MYRIP: variants seen among roughly 807,000 people sequenced by gnomAD.
MYRIP encodes the protein rab effector MyRIP.
Under a neutral mutation model 98.0 loss-of-function variants are expected in MYRIP, and 49 were observed. The ratio of observed to expected loss-of-function variants is 0.50; its 90% CI spans 0.40 to 0.63. MYRIP has a LOEUF of 0.63. MYRIP is among the 30% of genes least tolerant of loss of function. The probability of loss-of-function intolerance (pLI) is 0.00; values close to 1 mark genes in which losing one functional copy is unlikely to be tolerated. For synonymous variants in MYRIP, 404 were observed against 409.5 expected (o/e 0.99, Z 0.16); for missense variants, 1,004 against 1,058.2 (o/e 0.95, Z 0.71).
intron 3 of MYRIP, among the ~76,000 whole-genome samples, chr3:40,111,645 C>T (rs1949159467): frequency 6.6e-6 from 1 of 152,022 alleles, no homozygotes; most frequent in Non-Finnish European, 1.5e-5. Context: ...GTAGGGTCTT[C>T]CCAGGCCTGG....
chr3:40,049,722 G>T (rs1399434620), intron 3 of MYRIP, among the ~76,000 whole-genome samples: 1 of 152,058 alleles, frequency 6.6e-6, no homozygotes, highest in Non-Finnish European at 1.5e-5. Flanking sequence ...ACCAAGATAG[G>T]CCAAAAGCTA....
intron 1 of MYRIP, among the ~76,000 whole-genome samples, chr3:39,857,009 C>G (rs1443731431): frequency 1.3e-5 from 2 of 152,034 alleles, no homozygotes; most frequent in Admixed American, 1.3e-4. Flanking sequence ...TCTTTGAGCC[C>G]AGGAGTTTGA....
intron 11 of MYRIP, among the ~76,000 whole-genome samples, chr3:40,213,694 C>T (rs926565852): frequency 5.9e-5 from 9 of 151,920 alleles, no homozygotes; most frequent in South Asian, 2.1e-4. Context: ...AGCGCCACTG[C>T]GCCACCCTTG....
intron 3 of MYRIP, among the ~76,000 whole-genome samples, chr3:40,088,345 A>G (rs1392713518): frequency 6.6e-6 from 1 of 152,218 alleles, no homozygotes; most frequent in African/African-American, 2.4e-5. Flanking sequence ...ACTGGAGCTA[A>G]GAACATAAGC....
At chr3:40,198,965 C>CCAGAGT (rs1951477215) in intron 10 of MYRIP, among the ~76,000 whole-genome samples, 2 of 151,794 alleles carry the variant, frequency 1.3e-5, no homozygotes, top group Admixed American at 1.3e-4. Flanking sequence ...AAAGGGAAAA[C>CCAGAGT]CAGAGTAGGA....
intron 9 of MYRIP, among the ~76,000 whole-genome samples, chr3:40,187,656 T>C (rs1951074653): frequency 6.6e-6 from 1 of 152,176 alleles, no homozygotes; most frequent in South Asian, 2.1e-4. Flanking sequence ...ACAAACTGGC[T>C]CTGGGACACA....
chr3:39,996,243 G>A (rs1946350725), intron 2 of MYRIP, among the ~76,000 whole-genome samples: 1 of 152,116 alleles, frequency 6.6e-6, no homozygotes, highest in African/African-American at 2.4e-5. Flanking sequence ...CTGGCAAATT[G>A]GATAAAGAGT....
At chr3:40,204,525 C>A (rs1053864258) in intron 10 of MYRIP, among the ~76,000 whole-genome samples, 1 of 151,838 alleles carries the variant, frequency 6.6e-6, no homozygotes, top group South Asian at 2.1e-4. Context: ...ACGTTTTGTT[C>A]CTTAGTAACT....
intron 5 of MYRIP, among the ~76,000 whole-genome samples, chr3:40,164,473 G>A (rs1021807612): frequency 6.6e-6 from 1 of 152,182 alleles, no homozygotes; most frequent in African/African-American, 2.4e-5. Flanking sequence ...TTGCTCTTAA[G>A]GCCTTTCAGT....
At chr3:39,966,861 G>A (rs983691885) in intron 2 of MYRIP, among the ~76,000 whole-genome samples, 2 of 152,284 alleles carry the variant, frequency 1.3e-5, no homozygotes, top group Non-Finnish European at 2.9e-5. Context: ...ACATATCAGA[G>A]GGCCAAGGGC....
At chr3:39,872,335 T>TTTA (rs143805990) in intron 1 of MYRIP, among the ~76,000 whole-genome samples, 24 of 151,390 alleles carry the variant, frequency 1.6e-4, no homozygotes, top group East Asian at 5.8e-4. Context: ...TAAATATTTC[T>TTTA]TTATTATTAT....
intron 11 of MYRIP, among the ~76,000 whole-genome samples, chr3:40,213,613 C>CACACACAG (rs1240776071): frequency 2.1e-4 from 10 of 48,078 alleles, no homozygotes; most frequent in Admixed American, 1.2e-3. Flanking sequence ...CTGAGCAACA[C>CACACACAG]ACACACACAC....
At chr3:40,064,368 AC>A (rs1487856666) in intron 3 of MYRIP, among the ~76,000 whole-genome samples, 1 of 152,084 alleles carries the variant, frequency 6.6e-6, no homozygotes, top group Non-Finnish European at 1.5e-5. Flanking sequence ...AGAAAAAAAA[AC>A]CTTGCTCTCT....
chr3:39,923,581 G>T (rs1944351347), intron 2 of MYRIP, among the ~76,000 whole-genome samples: 1 of 152,106 alleles, frequency 6.6e-6, no homozygotes. Flanking sequence ...CTTTAGGAAT[G>T]AAGGAGAAAT....
intron 3 of MYRIP, among the ~76,000 whole-genome samples, chr3:40,050,046 A>G (rs537760983): frequency 6.6e-5 from 10 of 152,320 alleles, no homozygotes; most frequent in Non-Finnish European, 1.0e-4. Flanking sequence ...AGCCATCTCT[A>G]TAACATAAAA....
intron 1 of MYRIP, among the ~76,000 whole-genome samples, chr3:39,888,369 A>G (rs1943373023): frequency 6.6e-6 from 1 of 151,812 alleles, no homozygotes. Context: ...CTCAGAAATA[A>G]CGCCACATAT....
At chr3:39,937,738 A>G (rs561494394) in intron 2 of MYRIP, among the ~76,000 whole-genome samples, 1 of 152,228 alleles carries the variant, frequency 6.6e-6, no homozygotes, top group South Asian at 2.1e-4. Flanking sequence ...GCTACTGCTG[A>G]CTTTAACTTT....
intron 2 of MYRIP, among the ~76,000 whole-genome samples, chr3:40,019,735 T>C (rs368697859): frequency 2.0e-5 from 3 of 149,334 alleles, no homozygotes; most frequent in African/African-American, 7.4e-5. Flanking sequence ...CTTTTTTTTG[T>C]TAGACAACAC....
chr3:40,189,893 C>A lies in MYRIP; in HGVS notation c.1095C>A (p.Pro365=), dbSNP rs773923172. The A allele has an allele frequency of 8.1e-6, 13 of 1,614,086 alleles. No individual in the cohort carries two copies. The highest frequency in any genetic ancestry group is 2.7e-5 in the African/African-American group (2 of 74,940). ...WVALKDGAPP[P]TRLLAKPKSG... is the part of the protein sequence containing the mutation. ...CCCTGAAGGATGGCGCTCCACCCCC[C>A]ACCCGACTACTGGCCAAACCTAAGA... The change falls in exon 10 of 17, where the codon CCC becomes CCA. Residue 365 remains proline (P), a synonymous_variant. Coordinates refer to ENST00000302541, the MANE Select transcript of MYRIP (RefSeq NM_015460.4).
Sources: allele counts gnomAD v4.1 joint callset (sites outside exome capture counted in the v4.1 genomes callset), GRCh38; gene constraint gnomAD v4.1.1; transcripts MANE v1.5; gene names NCBI Gene and HGNC (gene_info 2026-07-23, HGNC 2026-07-21).